Variants in SOX5 observed in about 807,000 individuals in gnomAD.
SOX5 encodes the protein transcription factor SOX-5.
A neutral mutation model predicts 92.0 loss-of-function variants in SOX5; 9 were observed. That is an observed-to-expected ratio of 0.10 (90% CI 0.06 to 0.17). SOX5 has a LOEUF of 0.17. Among genes scored for constraint, SOX5 ranks in the 10% least tolerant of loss-of-function variants. The probability of loss-of-function intolerance (pLI) is 1.00; values close to 1 mark genes in which losing one functional copy is unlikely to be tolerated. For synonymous variants in SOX5, 344 were observed against 336.3 expected, an observed-to-expected ratio of 1.02 and a Z score of -0.25; for missense variants, 642 against 944.5, an observed-to-expected ratio of 0.68 and a Z score of 4.20.
At chr12:23,838,555 A>G (rs1185102919) in intron 3 of SOX5, among the ~76,000 whole-genome samples, 1 of 151,982 alleles carries the variant, frequency 6.6e-6, no homozygotes, top group Non-Finnish European at 1.5e-5. Context: ...GCTTTGTGCA[A>G]TTTATATTCC....
At chr12:24,557,651 C>T (rs1393055567) in intron 1 of SOX5, among the ~76,000 whole-genome samples, 2 of 152,118 alleles carry the variant, frequency 1.3e-5, no homozygotes, top group African/African-American at 4.8e-5. Context: ...GTCCGCTCAT[C>T]CCTATGACTA....
intron 3 of SOX5, among the ~76,000 whole-genome samples, chr12:24,276,519 T>G (rs1055948710): frequency 7.9e-5 from 12 of 152,176 alleles, no homozygotes; most frequent in African/African-American, 2.9e-4. Context: ...AAACTTCTCC[T>G]GAACAACAGA....
chr12:24,077,463 T>C (rs1345030581), intron 4 of SOX5, among the ~76,000 whole-genome samples: 2 of 152,024 alleles, frequency 1.3e-5, no homozygotes, highest in Non-Finnish European at 2.9e-5. Flanking sequence ...TTCTAAACTC[T>C]TCCCCTTCAC....
chr12:24,003,675 A>T (rs543278486), intron 4 of SOX5, among the ~76,000 whole-genome samples: 1 of 152,200 alleles, frequency 6.6e-6, no homozygotes, highest in Admixed American at 6.5e-5. Context: ...ATGATATTCC[A>T]TGTTCATAGA....
chr12:24,014,518 C>G (rs2136581205), intron 4 of SOX5, among the ~76,000 whole-genome samples: 1 of 152,258 alleles, frequency 6.6e-6, no homozygotes, highest in South Asian at 2.1e-4. Flanking sequence ...ACGAAATGGC[C>G]ACTCTTCTAA....
At chr12:24,396,941 A>G (rs781114461) in intron 1 of SOX5, among the ~76,000 whole-genome samples, 6 of 152,208 alleles carry the variant, frequency 3.9e-5, no homozygotes, top group Admixed American at 6.5e-5. Flanking sequence ...GAGGGCCATG[A>G]TCCCATAACA....
At chr12:23,953,485 G>T (rs577657245), upstream of SOX5, among the ~76,000 whole-genome samples, 1 of 152,026 alleles carries the variant, frequency 6.6e-6, no homozygotes, top group South Asian at 2.1e-4. Flanking sequence ...ATACATCTGG[G>T]TTGAGACATA....
intron 4 of SOX5, among the ~76,000 whole-genome samples, chr12:24,211,661 G>C (rs1958626923): frequency 6.6e-6 from 1 of 152,178 alleles, no homozygotes; most frequent in South Asian, 2.1e-4. Context: ...TAACCTGTGA[G>C]GTAGCATAAT....
At chr12:24,295,497 G>A (rs943587014) in intron 2 of SOX5, among the ~76,000 whole-genome samples, 8 of 152,152 alleles carry the variant, frequency 5.3e-5, no homozygotes, top group East Asian at 1.9e-4. Context: ...TTCTTGCTCT[G>A]AATTATTTGT....
chr12:23,861,755 G>A (rs2136437621), intron 2 of SOX5, among the ~76,000 whole-genome samples: 1 of 152,214 alleles, frequency 6.6e-6, no homozygotes, highest in African/African-American at 2.4e-5. Flanking sequence ...GTCTCAAGAT[G>A]GGAAACAACC....
chr12:24,304,458 G>A (rs1216374825), intron 2 of SOX5, among the ~76,000 whole-genome samples: 1 of 152,148 alleles, frequency 6.6e-6, no homozygotes, highest in Non-Finnish European at 1.5e-5. Flanking sequence ...AGAAATCAAA[G>A]CCTGACAGCC....
intron 1 of SOX5, among the ~76,000 whole-genome samples, chr12:24,522,014 G>T (rs1039910010): frequency 5.9e-5 from 9 of 151,586 alleles, no homozygotes; most frequent in African/African-American, 1.7e-4. Flanking sequence ...TGATTTTTTT[G>T]AAGATAAAAT....
At chr12:24,457,386 C>T (rs1943138478) in intron 1 of SOX5, among the ~76,000 whole-genome samples, 1 of 152,130 alleles carries the variant, frequency 6.6e-6, no homozygotes, top group South Asian at 2.1e-4. Flanking sequence ...ACAGGAGCCA[C>T]AGTTAAATGT....
chr12:23,613,806 C>A (rs1446525047), intron 8 of SOX5, among the ~76,000 whole-genome samples: 1 of 152,082 alleles, frequency 6.6e-6, no homozygotes, highest in Non-Finnish European at 1.5e-5. Context: ...TATGAATTAC[C>A]TAGAGAAATT....
At chr12:24,549,368 C>T (rs1383554407) in intron 1 of SOX5, among the ~76,000 whole-genome samples, 5 of 152,174 alleles carry the variant, frequency 3.3e-5, no homozygotes, top group Non-Finnish European at 7.3e-5. Flanking sequence ...TGGTGTCTGG[C>T]TCATAGTAGG....
chr12:24,124,543 A>C (rs548220676), intron 4 of SOX5, among the ~76,000 whole-genome samples: 204 of 150,102 alleles, frequency 1.4e-3, no homozygotes, highest in Non-Finnish European at 2.5e-3. Flanking sequence ...TTCTTGTATA[A>C]ATCACTTGAG....
chr12:24,330,972 T>C (rs1951240484), intron 2 of SOX5, among the ~76,000 whole-genome samples: 1 of 152,090 alleles, frequency 6.6e-6, no homozygotes, highest in African/African-American at 2.4e-5. Context: ...CGCTAATATA[T>C]AAACATACAA....
chr12:24,092,664 C>T (rs935215673), intron 4 of SOX5, among the ~76,000 whole-genome samples: 6 of 152,144 alleles, frequency 3.9e-5, no homozygotes, highest in Admixed American at 1.3e-4. Flanking sequence ...ATCCAAGCAA[C>T]GGATACAAAA....
intron 4 of SOX5, among the ~76,000 whole-genome samples, chr12:23,753,620 C>T (rs981081058): frequency 6.6e-6 from 1 of 151,680 alleles, no homozygotes; most frequent in African/African-American, 2.4e-5. Flanking sequence ...AACAAGTATA[C>T]GAGAGCATAA....
Sources: allele counts gnomAD v4.1 joint callset (sites outside exome capture counted in the v4.1 genomes callset), GRCh38; gene constraint gnomAD v4.1.1; transcripts MANE v1.5; gene names NCBI Gene and HGNC (gene_info 2026-07-23, HGNC 2026-07-21).